UNC13C: variants seen among roughly 807,000 people sequenced by gnomAD.
UNC13C encodes protein unc-13 homolog C.
In UNC13C, 174 loss-of-function variants were observed where a neutral mutation model predicts 245.4. The observed-to-expected ratio is 0.71, with a 90% CI of 0.63 to 0.80. UNC13C has a LOEUF of 0.80. UNC13C is among the 30% of genes least tolerant of loss of function. UNC13C has a pLI of 0.00. For synonymous variants in UNC13C, 992 were observed against 895.1 expected (o/e 1.11, Z -1.93); for missense variants, 2,829 against 2,602.9 (o/e 1.09, Z -1.89).
chr15:54,507,064 AT>A, intron 22 of UNC13C, 52 bp from the exon 23 acceptor site: 1 of 1,213,170 alleles, frequency 8.2e-7, no homozygotes, highest in East Asian at 2.5e-5. Flanking sequence ...TTTATAGCAT[AT>A]TTGTAAACTA....
At chr15:53,953,902 T>C in the UNC13C span, among the ~76,000 whole-genome samples, 9 of 152,192 alleles carry the variant, frequency 5.9e-5, no homozygotes, top group African/African-American at 1.7e-4. Flanking sequence ...TGTTAATTGG[T>C]GGATAGATGC....
intron 4 of UNC13C, among the ~76,000 whole-genome samples, chr15:54,160,253 G>A (rs747964714): frequency 6.6e-6 from 1 of 151,548 alleles, no homozygotes; most frequent in African/African-American, 2.4e-5. Flanking sequence ...GGTCATGGGA[G>A]AAAGTTTAGG....
At chr15:54,572,626 A>G (rs1000711502) in intron 30 of UNC13C, among the ~76,000 whole-genome samples, 2 of 151,734 alleles carry the variant, frequency 1.3e-5, no homozygotes, top group African/African-American at 4.8e-5. Context: ...GGATTTCACC[A>G]TGTTGGCCAG....
At chr15:53,863,573 C>T in the UNC13C span, among the ~76,000 whole-genome samples, 2 of 152,164 alleles carry the variant, frequency 1.3e-5, no homozygotes, top group African/African-American at 2.4e-5. Context: ...GTGGAATCCT[C>T]AAGTGTCAAC....
rs187474894 is a variant in UNC13C at position 54,487,407 on chromosome 15, T to C, written c.4934-7201T>C. On this transcript the variant is annotated intron_variant, in intron 19 of 32. Transcript: ENST00000260323. ...GTGTCATGAAAGAAACTTCTATATC[T>C]TTTTTCTTACCCTACAAAAATTAAC... 1.8e-4 allele frequency among the ~76,000 whole-genome samples: 27 copies of C among 152,286 alleles called. 1 individual carries two copies. The highest frequency in any genetic ancestry group is 1.0e-3 in the Admixed American group (16 of 15,296).
intron 8 of UNC13C, among the ~76,000 whole-genome samples, chr15:54,258,066 C>T (rs534430720): frequency 7.9e-5 from 12 of 152,228 alleles, no homozygotes; most frequent in African/African-American, 2.9e-4. Context: ...TACAAAAATC[C>T]CTCAATATCA....
At chr15:53,855,076 T>G in the UNC13C span, among the ~76,000 whole-genome samples, 9 of 152,188 alleles carry the variant, frequency 5.9e-5, no homozygotes, top group Non-Finnish European at 1.5e-5. Flanking sequence ...GGGAGTTCAT[T>G]CATGATTTGG....
chr15:54,496,981 TA>T (rs1225107056), intron 20 of UNC13C, among the ~76,000 whole-genome samples: 1 of 151,938 alleles, frequency 6.6e-6, no homozygotes, highest in Non-Finnish European at 1.5e-5. Context: ...GAAAAAAATT[TA>T]AAAATAGAAA....
At chr15:54,223,351 A>T (rs902406016) in intron 4 of UNC13C, among the ~76,000 whole-genome samples, 54 of 152,022 alleles carry the variant, frequency 3.6e-4, no homozygotes, top group Non-Finnish European at 2.4e-4. Context: ...GAAGAGGACT[A>T]TCATTTCCCA....
At chr15:54,389,898 T>C (rs2039918267) in intron 17 of UNC13C, among the ~76,000 whole-genome samples, 1 of 152,122 alleles carries the variant, frequency 6.6e-6, no homozygotes, top group African/African-American at 2.4e-5. Context: ...CCAGCTAGTT[T>C]CTGCATTTTT....
intron 2 of UNC13C, among the ~76,000 whole-genome samples, chr15:54,123,189 A>T (rs1406142647): frequency 6.6e-6 from 1 of 151,874 alleles, no homozygotes; most frequent in Non-Finnish European, 1.5e-5. Context: ...TTACCCCAAG[A>T]CTAATGATAT....
At chr15:53,924,473 C>G in the UNC13C span, among the ~76,000 whole-genome samples, 2 of 152,022 alleles carry the variant, frequency 1.3e-5, no homozygotes, top group African/African-American at 4.8e-5. Context: ...TTAACCTTTT[C>G]CATTTATATT....
chr15:54,351,056 A>G (rs1021464360), intron 17 of UNC13C, among the ~76,000 whole-genome samples: 1 of 152,212 alleles, frequency 6.6e-6, no homozygotes, highest in African/African-American at 2.4e-5. Context: ...TGAATCTGTT[A>G]GTTTTAAAAT....
chr15:53,919,333 T>C, the UNC13C span, among the ~76,000 whole-genome samples: 1 of 152,160 alleles, frequency 6.6e-6, no homozygotes. Context: ...AAAACGAACA[T>C]CAGTTATTGG....
At chr15:53,902,096 C>T in the UNC13C span, among the ~76,000 whole-genome samples, 2 of 151,092 alleles carry the variant, frequency 1.3e-5, no homozygotes, top group African/African-American at 4.8e-5. Flanking sequence ...TTTTTTTCTT[C>T]AATATTTTCA....
chr15:53,855,850 A>C, the UNC13C span, among the ~76,000 whole-genome samples: 4 of 152,172 alleles, frequency 2.6e-5, no homozygotes, highest in African/African-American at 9.7e-5. Flanking sequence ...CTTTTGGAAC[A>C]GTTTGAGTAG....
intron 10 of UNC13C, among the ~76,000 whole-genome samples, chr15:54,271,255 G>A (rs1215863344): frequency 1.3e-5 from 2 of 152,110 alleles, no homozygotes; most frequent in African/African-American, 2.4e-5. Context: ...AAAATATCAC[G>A]TGAAGATTAA....
At chr15:54,144,625 A>C (rs561967167) in intron 4 of UNC13C, among the ~76,000 whole-genome samples, 96 of 152,334 alleles carry the variant, frequency 6.3e-4, no homozygotes, top group African/African-American at 2.1e-3. Context: ...TTTACATGCC[A>C]CATTGCCTCT....
At chr15:54,594,247 T>TG (rs1898947405) in intron 30 of UNC13C, among the ~76,000 whole-genome samples, 1 of 152,140 alleles carries the variant, frequency 6.6e-6, no homozygotes, top group Non-Finnish European at 1.5e-5. Flanking sequence ...TGCAGTGGAC[T>TG]CCATGGGGGC....
Sources: gnomAD v4.1 joint callset for allele counts (sites outside exome capture counted in the v4.1 genomes callset) on GRCh38, gnomAD v4.1.1 for gene constraint, MANE v1.5 for transcripts, NCBI Gene and HGNC (gene_info 2026-07-23, HGNC 2026-07-21) for gene names.